DNAJC8: variants seen among roughly 807,000 people sequenced by gnomAD.
DNAJC8 encodes DnaJ heat shock protein family (Hsp40) member C8, also known as dnaJ homolog subfamily C member 8.
In DNAJC8, 24 loss-of-function variants were observed where a neutral mutation model predicts 43.2. The observed-to-expected ratio is 0.56, with a 90% CI of 0.40 to 0.78. The LOEUF is 0.78. DNAJC8 is among the 30% of genes least tolerant of loss of function. The pLI is 0.00. For missense variants in DNAJC8, 207 were observed against 299.4 expected (o/e 0.69, Z 2.28); for synonymous variants, 83 against 98.0 (o/e 0.85, Z 0.90).
chr1:28,204,485 C>T (rs1646756238), intron 7 of DNAJC8, among the ~76,000 whole-genome samples: 1 of 152,030 alleles, frequency 6.6e-6, no homozygotes, highest in Non-Finnish European at 1.5e-5. Flanking sequence ...TGCAGTGAGC[C>T]AAGATCATGC....
chr1:28,217,906 A>G (rs1646870533), intron 2 of DNAJC8, among the ~76,000 whole-genome samples: 1 of 151,928 alleles, frequency 6.6e-6, no homozygotes, highest in Admixed American at 6.6e-5. Context: ...AAATGGTTAT[A>G]GTATAGTGGT....
intron 7 of DNAJC8, 40 bp downstream of exon 7, chr1:28,205,218 G>A: frequency 7.1e-7 from 1 of 1,416,450 alleles, no homozygotes; most frequent in Non-Finnish European, 9.9e-7. Flanking sequence ...AGTTAATCTA[G>A]GTATTTAAAT....
intron 2 of DNAJC8, among the ~76,000 whole-genome samples, chr1:28,220,832 C>G (rs1262354257): frequency 6.6e-6 from 1 of 152,152 alleles, no homozygotes; most frequent in Non-Finnish European, 1.5e-5. Flanking sequence ...ACCAACATGG[C>G]TCCAAGCACA....
At chr1:28,209,049 C>T (rs549804223) in intron 5 of DNAJC8, among the ~76,000 whole-genome samples, 8 of 152,194 alleles carry the variant, frequency 5.3e-5, no homozygotes, top group Non-Finnish European at 1.2e-4. Context: ...GGCCCTACTG[C>T]CACCCTGTGG....
chr1:28,225,223 T>C (rs1259334258), intron 2 of DNAJC8, among the ~76,000 whole-genome samples: 1 of 151,296 alleles, frequency 6.6e-6, no homozygotes, highest in African/African-American at 2.4e-5. Flanking sequence ...ATAGTTTATA[T>C]TGTGGTTCAG....
chr1:28,212,265 T>C (rs1380316301), intron 3 of DNAJC8, among the ~76,000 whole-genome samples: 5 of 115,532 alleles, frequency 4.3e-5, no homozygotes, highest in Non-Finnish European at 1.7e-5. Context: ...ATATTCGTTG[T>C]TCTATTCTTT....
intron 8 of DNAJC8, among the ~76,000 whole-genome samples, chr1:28,202,225 C>T (rs115513134): frequency 0.022 from 3,415 of 152,254 alleles, 142 homozygotes; most frequent in African/African-American, 0.077. Context: ...AACACTGAGG[C>T]CCCATTTGTT....
rs763483655 is a variant in DNAJC8, at chr1:28,201,315, C to T, written c.695G>A (p.Gly232Glu). 4.3e-6 allele frequency: 7 copies of T among 1,613,458 alleles called. No individual in the cohort carries two copies. Among genetic ancestry groups the T allele is most frequent in the Non-Finnish European group, 5.9e-6 (7 of 1,180,014 alleles). Residue 232 changes from glycine (G) to glutamate (E), a missense_variant, in exon 9 of 9, where the codon GGG (glycine) becomes GAG (glutamate). Gly to Glu is a moderately conservative substitution (Grantham distance 98). Transcript: ENST00000263697. The stretch of plus-strand genomic sequence containing the variant: ...GGTCCGATTTTTCTTCTCTTTCTTC[C>T]CCTTCGTATTGGCTTGGAAGTTTCG... ...SWRNFQANTKGKKEKKNRTFL... is the reference protein window; with the variant it reads ...SWRNFQANTKEKKEKKNRTFL...
intron 8 of DNAJC8, among the ~76,000 whole-genome samples, chr1:28,202,924 G>A (rs989248934): frequency 6.6e-6 from 1 of 152,134 alleles, no homozygotes; most frequent in African/African-American, 2.4e-5. Flanking sequence ...CGACTATGGT[G>A]TGTACTGCTA....
intron 1 of DNAJC8, among the ~76,000 whole-genome samples, chr1:28,231,433 C>T (rs1471617408): frequency 6.6e-6 from 1 of 152,014 alleles, no homozygotes; most frequent in African/African-American, 2.4e-5. Flanking sequence ...AATTCAATCC[C>T]GGCCAGGCGT....
At chr1:28,220,445 T>C (rs918130351) in intron 2 of DNAJC8, among the ~76,000 whole-genome samples, 8 of 152,222 alleles carry the variant, frequency 5.3e-5, no homozygotes, top group Non-Finnish European at 1.2e-4. Context: ...TCCCATACAG[T>C]GGGCACTTTA....
intron 8 of DNAJC8, among the ~76,000 whole-genome samples, chr1:28,201,604 C>T (rs910467721): frequency 6.6e-6 from 1 of 151,938 alleles, no homozygotes; most frequent in Non-Finnish European, 1.5e-5. Context: ...GCCTGGCCAA[C>T]ATGGTGAAAC....
chr1:28,206,957 A>C (rs1440475732), intron 6 of DNAJC8, among the ~76,000 whole-genome samples: 1 of 152,222 alleles, frequency 6.6e-6, no homozygotes, highest in East Asian at 1.9e-4. Context: ...TGAATAGCTC[A>C]GTATATTTAA....
intron 5 of DNAJC8, among the ~76,000 whole-genome samples, chr1:28,209,177 T>C (rs1006307067): frequency 3.9e-5 from 6 of 152,306 alleles, no homozygotes; most frequent in African/African-American, 1.4e-4. Flanking sequence ...ACAAGTGCCA[T>C]TTCCAACACA....
rs149946545 is a variant in DNAJC8 at position 28,222,163 on chromosome 1, T to C, written c.180+6759A>G. Among the ~76,000 whole-genome samples, 38 of 152,192 alleles carry C rather than the reference T, an allele frequency of 2.5e-4. No individual in the cohort carries two copies. In the East Asian group the frequency reaches 6.9e-3, roughly 28 times the overall value. On this transcript the variant is annotated intron_variant, in intron 2 of 8. Coordinates refer to ENST00000263697, the MANE Select transcript of DNAJC8 (RefSeq NM_014280.3). ...GAGTTATGAGGATGGATAATAGTAATGGTTGGACAACACTATGAGTGTATT... is the reference window on the plus strand; with the variant it reads ...GAGTTATGAGGATGGATAATAGTAACGGTTGGACAACACTATGAGTGTATT...
intron 2 of DNAJC8, among the ~76,000 whole-genome samples, chr1:28,219,972 C>T (rs1172682719): frequency 3.9e-5 from 6 of 151,962 alleles, no homozygotes; most frequent in Admixed American, 1.3e-4. Context: ...CCACTGTGCC[C>T]GGCCTTTCTA....
At chr1:28,209,172 T>C (rs1238991373) in intron 5 of DNAJC8, among the ~76,000 whole-genome samples, 1 of 152,214 alleles carries the variant, frequency 6.6e-6, no homozygotes, top group Non-Finnish European at 1.5e-5. Context: ...GGCCTACAAG[T>C]GCCATTTCCA....
intron 8 of DNAJC8, among the ~76,000 whole-genome samples, chr1:28,201,649 C>T (rs901193603): frequency 6.6e-6 from 1 of 151,874 alleles, no homozygotes; most frequent in Non-Finnish European, 1.5e-5. Context: ...ATTAGCCGGG[C>T]GTGGTGGCAG....
chr1:28,217,802 T>G (rs1238594085), intron 2 of DNAJC8, among the ~76,000 whole-genome samples: 1 of 152,030 alleles, frequency 6.6e-6, no homozygotes, highest in Non-Finnish European at 1.5e-5. Flanking sequence ...CAAATGTAAT[T>G]CATAAACCCT....
Sources: allele counts gnomAD v4.1 joint callset (sites outside exome capture counted in the v4.1 genomes callset), GRCh38; gene constraint gnomAD v4.1.1; transcripts MANE v1.5; gene names NCBI Gene and HGNC (gene_info 2026-07-23, HGNC 2026-07-21).